The following CEP83 variants were observed in gnomAD, a reference collection of about 807,000 sequenced individuals.
The protein encoded by CEP83 is centrosomal protein 83.
In CEP83, 70 loss-of-function variants were observed where a neutral mutation model predicts 101.9. The ratio of observed to expected loss-of-function variants is 0.69; its 90% CI spans 0.57 to 0.84. The LOEUF is 0.84. CEP83 is among the 40% of genes least tolerant of loss of function. The pLI is 0.00. For synonymous variants in CEP83, 264 were observed against 267.9 expected, an observed-to-expected ratio of 0.99 and a Z score of 0.14; for missense variants, 715 against 787.2, an observed-to-expected ratio of 0.91 and a Z score of 1.10.
At chr12:94,367,075 T>A (rs1165616934) in intron 11 of CEP83, among the ~76,000 whole-genome samples, 2 of 152,052 alleles carry the variant, frequency 1.3e-5, no homozygotes, top group Non-Finnish European at 2.9e-5. Context: ...TGAGGAAGGA[T>A]CATAGAAATG....
At chr12:94,365,364 C>T (rs796931097) in intron 11 of CEP83, among the ~76,000 whole-genome samples, 18 of 152,224 alleles carry the variant, frequency 1.2e-4, no homozygotes, top group African/African-American at 3.9e-4. Flanking sequence ...AACAAAACTG[C>T]GTATGATTTA....
chr12:94,400,977 A>G lies in CEP83; in HGVS notation c.422T>C (p.Val141Ala), dbSNP rs765494844. 2.9e-6 allele frequency: 4 copies of G among 1,392,178 alleles called. No individual in the cohort carries two copies. The highest frequency in any genetic ancestry group is 3.8e-6 in the Non-Finnish European group (4 of 1,063,180). 86.2% of individuals were successfully genotyped at this position (1,392,178 alleles called of 1,614,324 possible). ...RERFRNLDEE[V>A]EKYRAVYNKL... ...ATTATATACAGCTCTATACTTTTCT[A>G]CCTCCTAAAGGGAGAATGCATTTAT... The change falls in exon 6 of 17, where the codon GTA (valine) becomes GCA (alanine). Residue 141 changes from valine to alanine, a missense_variant. Coordinates refer to ENST00000397809, the MANE Select transcript of CEP83 (RefSeq NM_016122.3).
rs909383603 is a variant in CEP83, at chr12:94,397,915, G to C, written c.549+2935C>G. ...CCAGCTATTTAACAAAATTGCAGTT[G>C]CTGGATGGCCCATAATCAGAGTGGC... On this transcript the variant is annotated intron_variant, in intron 6 of 16. Coordinates refer to ENST00000397809, the MANE Select transcript of CEP83 (RefSeq NM_016122.3). Among the ~76,000 whole-genome samples, 8 of 152,274 alleles carry C rather than the reference G, an allele frequency of 5.3e-5. No homozygotes were observed. In the East Asian group the frequency reaches 1.5e-3, roughly 29 times the overall value.
At chr12:94,385,230 G>A (rs761141734) in intron 6 of CEP83, among the ~76,000 whole-genome samples, 14 of 152,122 alleles carry the variant, frequency 9.2e-5, no homozygotes, top group South Asian at 2.1e-4. Flanking sequence ...GATGGGAAGC[G>A]TAGGAGTAAT....
chr12:94,379,332 A>T (rs1303187360), intron 6 of CEP83, among the ~76,000 whole-genome samples: 2 of 152,184 alleles, frequency 1.3e-5, no homozygotes, highest in African/African-American at 4.8e-5. Flanking sequence ...AGTACTAAAC[A>T]TACATCAAGT....
chr12:94,402,241 G>C (rs2063298779), intron 5 of CEP83: 1 of 152,028 alleles, frequency 6.6e-6, no homozygotes, highest in South Asian at 2.1e-4. Flanking sequence ...AATATTAATT[G>C]AGCACCTACT....
rs551577371 is a variant in CEP83, at chr12:94,449,092, G to T, written c.-155+10465C>A. On this transcript the variant is annotated intron_variant, in intron 1 of 16. Coordinates refer to ENST00000397809, the MANE Select transcript of CEP83 (RefSeq NM_016122.3). ...GATACAAATTACCAAAATCAAGAAT[G>T]AAAGAGGGAAAATTATTGCCAACCT... Among the ~76,000 whole-genome samples the T allele has an allele frequency of 9.4e-5, 14 of 148,650 alleles. No individual in the cohort carries two copies. The East Asian group carries it at 2.7e-3, about 29-fold the overall frequency.
chr12:94,281,687 T>C, the CEP83 span: 1 of 152,288 alleles, frequency 6.6e-6, no homozygotes, highest in Admixed American at 6.5e-5. Context: ...TCCCAAAGTA[T>C]TGGGATTATA....
In CEP83 at chr12:94,310,124, A is replaced by T. The variant is rs548143757; in HGVS notation, c.1812-17T>A. The T allele has an allele frequency of 7.1e-7, 1 of 1,405,142 alleles. No homozygotes were observed. Among genetic ancestry groups the T allele is most frequent in the South Asian group, 1.2e-5 (1 of 80,480 alleles). The allele number at this position is 1,405,142 out of a possible 1,614,324, so 87.0% of individuals were successfully genotyped here. On this transcript the variant is annotated splice_polypyrimidine_tract_variant and intron_variant, in intron 15 of 16. Coordinates refer to ENST00000397809, the MANE Select transcript of CEP83 (RefSeq NM_016122.3). The stretch of plus-strand genomic sequence containing the variant: ...ACATTTTGTCTTAAAAAGAAAAAGA[A>T]ATGTTTCTTTAACATGGTTATACCC...
intron 6 of CEP83, among the ~76,000 whole-genome samples, chr12:94,383,774 A>G (rs973434242): frequency 1.3e-5 from 2 of 152,036 alleles, no homozygotes; most frequent in African/African-American, 4.8e-5. Flanking sequence ...CTCCTTGTAT[A>G]GCTTTCTTAG....
Position 94,353,672 on chromosome 12 carries a change from C to G in CEP83, c.1343+14122G>C, listed in dbSNP as rs569648133. On this transcript the variant is annotated intron_variant, in intron 11 of 16. Coordinates refer to ENST00000397809, the MANE Select transcript of CEP83 (RefSeq NM_016122.3). ...TAAAAACTCAAAGCCCAAATATAAG[C>G]TGCCTAAACACAACTCACTTCACCC... Among the ~76,000 whole-genome samples the G allele has an allele frequency of 6.6e-5, 10 of 151,668 alleles. No individual in the cohort carries two copies. The South Asian group carries it at 2.1e-3, about 32-fold the overall frequency.
intron 4 of CEP83, among the ~76,000 whole-genome samples, chr12:94,406,467 G>T (rs960387911): frequency 4.6e-4 from 70 of 151,104 alleles, no homozygotes; most frequent in African/African-American, 1.7e-3. Context: ...GAGAGAGAGA[G>T]TGAGAGTGAG....
chr12:94,423,081 T>C (rs551511772), intron 2 of CEP83, among the ~76,000 whole-genome samples: 1 of 152,024 alleles, frequency 6.6e-6, no homozygotes, highest in South Asian at 2.1e-4. Flanking sequence ...CAAAAACATA[T>C]GAGAATTTTT....
the CEP83 span, chr12:94,282,515 G>A: frequency 5.9e-5 from 42 of 714,604 alleles, no homozygotes; most frequent in Admixed American, 4.3e-4. Context: ...CTTGCAGATC[G>A]ATCGTGTCTG....
the CEP83 span, chr12:94,297,483 C>T: frequency 3.5e-6 from 4 of 1,159,088 alleles, no homozygotes; most frequent in African/African-American, 3.1e-5. Context: ...ATATGTTTGA[C>T]TTAATTTCCA....
chr12:94,401,121 A>C (rs1288475357), intron 5 of CEP83, 140 bp from the exon 6 acceptor site: 1 of 392,662 alleles, frequency 2.5e-6, no homozygotes, highest in Non-Finnish European at 4.3e-6. Context: ...CAGAAATACA[A>C]ATGAATTTGG....
At chr12:94,441,595 T>C (rs1368940315) in intron 1 of CEP83, among the ~76,000 whole-genome samples, 1 of 152,166 alleles carries the variant, frequency 6.6e-6, no homozygotes, top group South Asian at 2.1e-4. Flanking sequence ...ACAACCACTA[T>C]AGAAAACAGT....
intron 15 of CEP83, among the ~76,000 whole-genome samples, chr12:94,312,054 C>T (rs758339100): frequency 2.0e-5 from 3 of 151,870 alleles, no homozygotes; most frequent in Non-Finnish European, 2.9e-5. Flanking sequence ...CACCCTGAAC[C>T]ATAGACGAAG....
rs151294931 is a variant in CEP83 at position 94,431,324 on chromosome 12, C to T, written c.-102+3951G>A. On this transcript the variant is annotated intron_variant, in intron 2 of 16. Transcript: ENST00000397809. ...GGATCAAAGATACAAACGTAAGACC[C>T]AAGACTATAAAATTACTAGAAGAAA... is the stretch of plus-strand genomic sequence containing the variant. Among the ~76,000 whole-genome samples, 9 of 152,128 alleles carry T rather than the reference C, an allele frequency of 5.9e-5. No homozygotes were observed. In the East Asian group the frequency reaches 1.7e-3, roughly 29 times the overall value.
Sources: allele counts gnomAD v4.1 joint callset (sites outside exome capture counted in the v4.1 genomes callset), GRCh38; gene constraint gnomAD v4.1.1; transcripts MANE v1.5; gene names NCBI Gene and HGNC (gene_info 2026-07-23, HGNC 2026-07-21).